PBX3: variants seen among roughly 807,000 people sequenced by gnomAD.
PBX3 encodes the protein PBX homeobox 3.
PBX3 carries 14 observed loss-of-function variants against 48.5 expected under a neutral mutation model. The ratio of observed to expected loss-of-function variants is 0.29; its 90% CI spans 0.19 to 0.45. The LOEUF is 0.45. PBX3 is among the 20% of genes least tolerant of loss of function. The pLI, the probability that PBX3 is intolerant of heterozygous loss-of-function variation, is 1.00. For missense variants in PBX3, 386 were observed against 546.7 expected, an observed-to-expected ratio of 0.71 and a Z score of 2.93; for synonymous variants, 210 against 200.3, an observed-to-expected ratio of 1.05 and a Z score of -0.41.
At position 125,782,048 on chromosome 9, in the gene PBX3, T is replaced by C. The variant is rs138635150; in HGVS notation, c.274+33425T>C. Reference sequence around the variant, plus strand: ...TGATTATTATGGGGATTACAATTAATATCCTAAGTTTATAACAATCTGGTG... The same window carrying C: ...TGATTATTATGGGGATTACAATTAACATCCTAAGTTTATAACAATCTGGTG... On this transcript the variant is annotated intron_variant, in intron 2 of 8. Transcript: ENST00000373489. 4.0e-3 allele frequency among the ~76,000 whole-genome samples: 612 copies of C among 152,310 alleles called. 9 individuals are homozygous for C. The highest frequency in any genetic ancestry group is 0.014 in the African/African-American group (573 of 41,578).
At chr9:125,845,044 A>G (rs1839392377) in intron 2 of PBX3, 1 of 152,102 alleles carries the variant, frequency 6.6e-6, no homozygotes, top group Non-Finnish European at 1.5e-5. Flanking sequence ...TACTGCTTTC[A>G]TATTATGGAA....
At chr9:125,763,268 A>T (rs1339947262) in intron 2 of PBX3, among the ~76,000 whole-genome samples, 1 of 152,210 alleles carries the variant, frequency 6.6e-6, no homozygotes, top group African/African-American at 2.4e-5. Flanking sequence ...CCTGAATTTA[A>T]TGATTTTGTA....
chr9:125,957,551 A>G (rs1842335397), intron 5 of PBX3, among the ~76,000 whole-genome samples: 1 of 152,238 alleles, frequency 6.6e-6, no homozygotes, highest in South Asian at 2.1e-4. Context: ...ATTCTTACAT[A>G]TCTAGAGATG....
intron 2 of PBX3, among the ~76,000 whole-genome samples, chr9:125,840,859 GT>G: frequency 6.6e-6 from 1 of 152,068 alleles, no homozygotes; most frequent in Non-Finnish European, 1.5e-5. Context: ...CAGGGTAAGG[GT>G]TTGAACCCAG....
At chr9:125,823,352 G>C (rs764961675) in intron 2 of PBX3, among the ~76,000 whole-genome samples, 8 of 152,176 alleles carry the variant, frequency 5.3e-5, no homozygotes, top group Non-Finnish European at 1.2e-4. Flanking sequence ...TGTACATGCT[G>C]CTCAGAAAAT....
intron 5 of PBX3, among the ~76,000 whole-genome samples, chr9:125,960,344 A>G (rs1842399748): frequency 1.3e-5 from 2 of 152,216 alleles, no homozygotes; most frequent in African/African-American, 4.8e-5. Context: ...CTAACTTAGC[A>G]AATATTTCCT....
At chr9:125,842,965 C>G (rs577923117) in intron 2 of PBX3, among the ~76,000 whole-genome samples, 1 of 152,050 alleles carries the variant, frequency 6.6e-6, no homozygotes, top group East Asian at 1.9e-4. Context: ...TATGTCAGTT[C>G]TAGCTTTGTA....
chr9:125,854,574 T>C (rs928219473), intron 2 of PBX3, among the ~76,000 whole-genome samples: 1 of 152,232 alleles, frequency 6.6e-6, no homozygotes, highest in African/African-American at 2.4e-5. Flanking sequence ...TCTCTAGTTA[T>C]CTAAATACAC....
At chr9:125,855,534 A>G (rs1397713138) in intron 2 of PBX3, among the ~76,000 whole-genome samples, 9 of 152,154 alleles carry the variant, frequency 5.9e-5, no homozygotes, top group African/African-American at 9.6e-5. Flanking sequence ...TTTTAAAAAA[A>G]TTCCTTCAAA....
chr9:125,937,359 T>C, intron 5 of PBX3, among the ~76,000 whole-genome samples: 1 of 152,202 alleles, frequency 6.6e-6, no homozygotes, highest in Middle Eastern at 3.4e-3. Flanking sequence ...TGTGTTTTTT[T>C]TAAAAAAAAC....
chr9:125,862,092 A>AC, intron 2 of PBX3, among the ~76,000 whole-genome samples: 1 of 152,364 alleles, frequency 6.6e-6, no homozygotes, highest in Admixed American at 6.5e-5. Flanking sequence ...GATGCCTTTT[A>AC]CAGACAATGG....
chr9:125,747,549 C>A lies in PBX3; in HGVS notation c.96C>A (p.His32Gln), dbSNP rs1457753272. 1.7e-5 allele frequency: 27 copies of A among 1,606,120 alleles called. No homozygotes were observed. The highest frequency in any genetic ancestry group is 2.7e-5 in the African/African-American group (2 of 73,778). The change falls in exon 1 of 9, where the codon CAC becomes CAA. Residue 32 changes from histidine (H) to glutamine (Q), a missense_variant. His to Gln is a conservative substitution (Grantham distance 24, BLOSUM62 0). Transcript: ENST00000373489. ...GCATGGCCCTGCCGCCTCCCCCGCA[C>A]GGCCACGAAGGGGCGGACGGCGACG... ...QGGMALPPPP[H>Q]GHEGADGDGR... is the part of the protein sequence containing the mutation.
chr9:125,812,237 A>T (rs1838311488), intron 2 of PBX3, among the ~76,000 whole-genome samples: 1 of 152,210 alleles, frequency 6.6e-6, no homozygotes, highest in South Asian at 2.1e-4. Flanking sequence ...CTGCCTCTAA[A>T]TATCATATTG....
rs1841259446 is a variant in PBX3 at position 125,913,728 on chromosome 9, G to A, written c.275-1958G>A. 3.3e-5 allele frequency among the ~76,000 whole-genome samples: 5 copies of A among 152,140 alleles called. No homozygotes were observed. The South Asian group carries it at 1.0e-3, about 32-fold the overall frequency. ...AGATTAATGTGTTTAACTACAAGGGGAAAACTAGAAACCCGGAGGAAACTT... is the reference window on the plus strand; with the variant it reads ...AGATTAATGTGTTTAACTACAAGGGAAAAACTAGAAACCCGGAGGAAACTT... On this transcript the variant is annotated intron_variant, in intron 2 of 8. Transcript: ENST00000373489.
intron 4 of PBX3, 28 bp from the exon 5 acceptor site, chr9:125,935,444 C>T (rs748432864): frequency 6.2e-7 from 1 of 1,609,636 alleles, no homozygotes; most frequent in East Asian, 2.2e-5. Context: ...ATTGTAACTG[C>T]AATTATTTTC....
intron 2 of PBX3, among the ~76,000 whole-genome samples, chr9:125,782,678 G>T (rs2132040128): frequency 6.6e-6 from 1 of 152,226 alleles, no homozygotes; most frequent in African/African-American, 2.4e-5. Flanking sequence ...TCGACTTACT[G>T]TTTAGTGTCC....
chr9:125,809,325 C>CT (rs1838218839), intron 2 of PBX3, among the ~76,000 whole-genome samples: 1 of 151,824 alleles, frequency 6.6e-6, no homozygotes, highest in Non-Finnish European at 1.5e-5. Context: ...TATAGAGTGA[C>CT]TTTATTTTAT....
chr9:125,832,736 G>T (rs1001995954), intron 2 of PBX3, among the ~76,000 whole-genome samples: 1 of 152,128 alleles, frequency 6.6e-6, no homozygotes, highest in Non-Finnish European at 1.5e-5. Context: ...CCCTTTGCAG[G>T]TATTTATTTG....
chr9:125,796,648 A>G (rs76823660), intron 2 of PBX3, among the ~76,000 whole-genome samples: 3,053 of 152,210 alleles, frequency 0.02, 171 homozygotes, highest in East Asian at 0.17. Context: ...CTCCTTCTTT[A>G]AATCATAGGT....
Sources: gnomAD v4.1 joint callset for allele counts (sites outside exome capture counted in the v4.1 genomes callset) on GRCh38, gnomAD v4.1.1 for gene constraint, MANE v1.5 for transcripts, NCBI Gene and HGNC (gene_info 2026-07-23, HGNC 2026-07-21) for gene names.